The following GLIS3 variants were observed in gnomAD, a reference collection of about 807,000 sequenced individuals.
GLIS3 encodes the protein GLIS family zinc finger 3.
In GLIS3, 53 loss-of-function variants were observed where a neutral mutation model predicts 78.6. The ratio of observed to expected loss-of-function variants is 0.67; its 90% CI spans 0.54 to 0.85. The LOEUF (loss-of-function observed/expected upper bound fraction) is 0.85, where lower values mean the gene tolerates loss of function less well. Ranked by LOEUF, GLIS3 falls within the 40% of genes least tolerant of loss-of-function variation. The pLI is 0.00. For missense variants in GLIS3, 1,703 were observed against 1,231.1 expected (o/e 1.38, Z -5.74); for synonymous variants, 684 against 509.9 (o/e 1.34, Z -4.60).
intron 2 of GLIS3, among the ~76,000 whole-genome samples, chr9:4,173,346 T>C (rs926815720): frequency 2.6e-5 from 4 of 152,130 alleles, no homozygotes; most frequent in African/African-American, 9.7e-5. Context: ...TTTCTCCTTT[T>C]TCTTTCACCC....
chr9:4,207,680 A>G (rs7850913), intron 2 of GLIS3, among the ~76,000 whole-genome samples: 86,156 of 151,960 alleles, frequency 0.57, 24,567 homozygotes, highest in Middle Eastern at 0.63. Flanking sequence ...TGCATCGCAG[A>G]TGAGAAAAAA....
At chr9:3,993,895 G>A (rs114846207) in intron 4 of GLIS3, among the ~76,000 whole-genome samples, 114 of 152,188 alleles carry the variant, frequency 7.5e-4, no homozygotes, top group African/African-American at 2.7e-3. Context: ...TTTTGACAAA[G>A]AAAATTTTGC....
At chr9:4,267,439 C>G (rs544411307) in intron 2 of GLIS3, among the ~76,000 whole-genome samples, 1 of 152,276 alleles carries the variant, frequency 6.6e-6, no homozygotes, top group East Asian at 1.9e-4. Context: ...AGATTAATTT[C>G]TGGATGTAGA....
At chr9:4,224,943 T>A (rs1339749190) in intron 2 of GLIS3, among the ~76,000 whole-genome samples, 1 of 152,020 alleles carries the variant, frequency 6.6e-6, no homozygotes, top group Non-Finnish European at 1.5e-5. Context: ...ACTATGAGTA[T>A]CGTTATCATT....
At chr9:4,001,539 G>A (rs911938041) in intron 4 of GLIS3, among the ~76,000 whole-genome samples, 9 of 152,042 alleles carry the variant, frequency 5.9e-5, no homozygotes, top group African/African-American at 2.2e-4. Flanking sequence ...TTCCTTTTTG[G>A]TCTCTCCCAC....
chr9:4,339,214 TC>T (rs1817798918), intron 2 of GLIS3, among the ~76,000 whole-genome samples: 1 of 152,230 alleles, frequency 6.6e-6, no homozygotes, highest in South Asian at 2.1e-4. Context: ...ATGAAGCCAG[TC>T]CTCAATGACT....
chr9:4,083,781 C>T (rs1356929895), intron 4 of GLIS3, among the ~76,000 whole-genome samples: 1 of 152,070 alleles, frequency 6.6e-6, no homozygotes, highest in African/African-American at 2.4e-5. Context: ...TAAAAATTAC[C>T]CTCTACCTTG....
intron 7 of GLIS3, among the ~76,000 whole-genome samples, chr9:3,890,008 C>A (rs1022516425): frequency 6.6e-6 from 1 of 152,152 alleles, no homozygotes; most frequent in Non-Finnish European, 1.5e-5. Context: ...TTTTTTTAGA[C>A]ACCTGAGAGT....
the GLIS3 span, among the ~76,000 whole-genome samples, chr9:4,474,559 G>A: frequency 6.6e-6 from 1 of 152,172 alleles, no homozygotes; most frequent in Non-Finnish European, 1.5e-5. Flanking sequence ...ATCCCAGATA[G>A]ATTTTAGATT....
intron 2 of GLIS3, among the ~76,000 whole-genome samples, chr9:4,240,611 A>G (rs7850128): frequency 0.64 from 96,636 of 152,088 alleles, 31,895 homozygotes; most frequent in African/African-American, 0.82. Context: ...TAATCAATAT[A>G]AATTAGCCTT....
the GLIS3 span, among the ~76,000 whole-genome samples, chr9:4,414,765 C>T: frequency 6.6e-6 from 1 of 152,150 alleles, no homozygotes; most frequent in Non-Finnish European, 1.5e-5. Flanking sequence ...TCCCATCCTG[C>T]ATATCTGATC....
intron 2 of GLIS3, among the ~76,000 whole-genome samples, chr9:4,275,267 A>G (rs1002896958): frequency 6.6e-6 from 1 of 152,218 alleles, no homozygotes; most frequent in Admixed American, 6.5e-5. Flanking sequence ...AATTTTCGAA[A>G]AAAGGAGTAA....
chr9:4,386,290 G>A, the GLIS3 span: 1 of 152,056 alleles, frequency 6.6e-6, no homozygotes, highest in African/African-American at 2.4e-5. Context: ...GTATTATAGG[G>A]CTGCAATGAA....
chr9:4,006,210 A>G (rs1821532858), intron 4 of GLIS3, among the ~76,000 whole-genome samples: 1 of 149,138 alleles, frequency 6.7e-6, no homozygotes, highest in Non-Finnish European at 1.5e-5. Flanking sequence ...TCTCTTTTTC[A>G]CGCTCCTTGC....
intron 4 of GLIS3, among the ~76,000 whole-genome samples, chr9:3,943,272 G>A (rs896911811): frequency 1.3e-5 from 2 of 152,184 alleles, no homozygotes; most frequent in African/African-American, 2.4e-5. Flanking sequence ...ATGTTTTGAG[G>A]CTTTTAAAAA....
intron 4 of GLIS3, among the ~76,000 whole-genome samples, chr9:3,979,296 C>G (rs1271788899): frequency 6.6e-6 from 1 of 152,206 alleles, no homozygotes; most frequent in African/African-American, 2.4e-5. Flanking sequence ...ATTCTCTGGA[C>G]CCAATCCCTG....
At chr9:4,187,092 A>T (rs1038750254) in intron 2 of GLIS3, among the ~76,000 whole-genome samples, 6 of 152,158 alleles carry the variant, frequency 3.9e-5, no homozygotes, top group African/African-American at 7.2e-5. Context: ...CTGAATGGTA[A>T]TGCCTAGGTT....
chr9:3,877,244 C>A (rs1008721520), intron 8 of GLIS3, among the ~76,000 whole-genome samples: 2 of 147,856 alleles, frequency 1.4e-5, no homozygotes, highest in African/African-American at 4.9e-5. Flanking sequence ...ATATAAAATG[C>A]ATTTTTTTAA....
At chr9:4,260,655 A>G (rs962905193) in intron 2 of GLIS3, among the ~76,000 whole-genome samples, 2 of 152,092 alleles carry the variant, frequency 1.3e-5, no homozygotes, top group Non-Finnish European at 2.9e-5. Flanking sequence ...CTGAGGCACA[A>G]GAATCTGTTG....
Sources: allele counts gnomAD v4.1 joint callset (sites outside exome capture counted in the v4.1 genomes callset), GRCh38; gene constraint gnomAD v4.1.1; transcripts MANE v1.5; gene names NCBI Gene and HGNC (gene_info 2026-07-23, HGNC 2026-07-21).